The following NME7 variants were observed in gnomAD, a reference collection of about 807,000 sequenced individuals.
NME7 encodes NME/NM23 family member 7, also known as nucleoside diphosphate kinase 7.
A neutral mutation model predicts 49.1 loss-of-function variants in NME7; 41 were observed. The ratio of observed to expected loss-of-function variants is 0.83; its 90% CI spans 0.65 to 1.08. NME7 has a LOEUF of 1.08. Among genes scored for constraint, NME7 ranks in the 50% least tolerant of loss-of-function variants. The probability of loss-of-function intolerance (pLI) is 0.00; values close to 1 mark genes in which losing one functional copy is unlikely to be tolerated. For missense variants in NME7, 423 were observed against 463.4 expected (o/e 0.91, Z 0.80); for synonymous variants, 139 against 150.6 (o/e 0.92, Z 0.56).
intron 1 of NME7, among the ~76,000 whole-genome samples, chr1:169,338,104 G>T (rs1450002040): frequency 1.3e-5 from 2 of 152,196 alleles, no homozygotes; most frequent in African/African-American, 4.8e-5. Flanking sequence ...AGAAGGAAAA[G>T]TTAGGTGAAT....
intron 10 of NME7, among the ~76,000 whole-genome samples, chr1:169,188,782 A>G (rs180856717): frequency 4.5e-4 from 68 of 152,278 alleles, no homozygotes; most frequent in Non-Finnish European, 7.5e-4. Context: ...TTCTCATATA[A>G]TTGTTACACA....
chr1:169,162,238 G>A (rs563443469), intron 11 of NME7, among the ~76,000 whole-genome samples: 1 of 152,100 alleles, frequency 6.6e-6, no homozygotes, highest in South Asian at 2.1e-4. Context: ...AATTAAAATG[G>A]TAACTTCAAT....
Position 169,256,200 on chromosome 1 carries a change from C to T in NME7, c.755-18513G>A, listed in dbSNP as rs1396281394. 7.5e-5 allele frequency among the ~76,000 whole-genome samples: 10 copies of T among 133,324 alleles called. 3 individuals are homozygous for T. The highest frequency in any genetic ancestry group is 1.4e-4 in the Non-Finnish European group (8 of 56,768). The allele number at this position is 133,324 out of a possible 152,430, so 87.5% of individuals were successfully genotyped here. On this transcript the variant is annotated intron_variant, in intron 7 of 11. Coordinates refer to ENST00000367811, the MANE Select transcript of NME7 (RefSeq NM_013330.5). ...ATTCTCCCCATCACTTTCAGGTACA[C>T]CAATCAGACGTAGATTTGGTCTTTT... is the stretch of plus-strand genomic sequence containing the variant.
intron 10 of NME7, among the ~76,000 whole-genome samples, chr1:169,182,229 T>A (rs973246584): frequency 2.7e-4 from 40 of 149,538 alleles, no homozygotes; most frequent in African/African-American, 9.8e-4. Context: ...TTAACCAGGC[T>A]AGTCTTGAAG....
intron 10 of NME7, among the ~76,000 whole-genome samples, chr1:169,203,363 G>A (rs1660597900): frequency 6.6e-6 from 1 of 152,018 alleles, no homozygotes; most frequent in African/African-American, 2.4e-5. Context: ...CTTTCTTCTT[G>A]TGCTTATTAA....
At position 169,237,618 on chromosome 1, in the gene NME7, C is replaced by T; in HGVS notation, c.819+5G>A. The stretch of plus-strand genomic sequence containing the variant: ...AAATATTATGGTTCATTGTAAACTA[C>T]CTACCATCTGCATAGCTGAGATTTC... On this transcript the variant is annotated splice_donor_5th_base_variant and intron_variant, in intron 8 of 11. Coordinates refer to ENST00000367811, the MANE Select transcript of NME7 (RefSeq NM_013330.5). 6.2e-7 allele frequency: 1 copy of T among 1,601,612 alleles called. No individual in the cohort carries two copies. Among genetic ancestry groups the T allele is most frequent in the Non-Finnish European group, 8.5e-7 (1 of 1,170,216 alleles).
intron 7 of NME7, among the ~76,000 whole-genome samples, chr1:169,251,255 T>A (rs1344899864): frequency 6.6e-6 from 1 of 152,162 alleles, no homozygotes; most frequent in Non-Finnish European, 1.5e-5. Context: ...TTACTGTTGT[T>A]GCTTTAAAAT....
rs1374667466 is a variant in NME7 at position 169,261,274 on chromosome 1, A to G, written c.755-23587T>C. Among the ~76,000 whole-genome samples, 2 of 134,224 alleles carry G rather than the reference A, an allele frequency of 1.5e-5. 1 individual carries two copies. Among genetic ancestry groups the G allele is most frequent in the Non-Finnish European group, 3.5e-5 (2 of 57,042 alleles). 88.1% of individuals were successfully genotyped at this position (134,224 alleles called of 152,430 possible). On this transcript the variant is annotated intron_variant, in intron 7 of 11. Coordinates refer to ENST00000367811, the MANE Select transcript of NME7 (RefSeq NM_013330.5). ...GCTTAAAACTGTGCTATGACTTTTG[A>G]GAAAACCCCATGTTACATTTTTGCC...
intron 10 of NME7, among the ~76,000 whole-genome samples, chr1:169,221,547 C>A (rs1406092025): frequency 6.6e-6 from 1 of 151,912 alleles, no homozygotes. Context: ...TTTTCAAGAG[C>A]TTTATATGTA....
chr1:169,184,266 GA>G (rs1660009467), intron 10 of NME7, among the ~76,000 whole-genome samples: 1 of 151,876 alleles, frequency 6.6e-6, no homozygotes, highest in African/African-American at 2.4e-5. Flanking sequence ...TTGTACTATT[GA>G]AATGAAGCAA....
chr1:169,244,539 G>A (rs573563365), intron 7 of NME7, among the ~76,000 whole-genome samples: 11 of 151,150 alleles, frequency 7.3e-5, no homozygotes, highest in Admixed American at 5.9e-4. Flanking sequence ...GGGAGGCTGA[G>A]GAAGGAGGAT....
At chr1:169,252,536 C>G (rs2101848900) in intron 7 of NME7, among the ~76,000 whole-genome samples, 1 of 152,078 alleles carries the variant, frequency 6.6e-6, no homozygotes, top group East Asian at 1.9e-4. Context: ...ATGGTAGTTT[C>G]TTTTGCTGTG....
intron 7 of NME7, among the ~76,000 whole-genome samples, chr1:169,272,842 C>A (rs2101875814): frequency 7.5e-6 from 1 of 132,938 alleles, no homozygotes; most frequent in African/African-American, 2.5e-5. Context: ...AATGGTATTT[C>A]TGCCTCTAGA....
intron 7 of NME7, among the ~76,000 whole-genome samples, chr1:169,249,983 CT>C (rs2101844182): frequency 6.6e-6 from 1 of 152,094 alleles, no homozygotes; most frequent in African/African-American, 2.4e-5. Context: ...ATGATACTGG[CT>C]TCATAGAATG....
rs200103104 is a variant in NME7 at position 169,309,943 on chromosome 1, C to T, written c.389+27G>A. The T allele has an allele frequency of 4.0e-3, 5,172 of 1,277,610 alleles. 15 individuals are homozygous for T. The highest frequency in any genetic ancestry group is 5.0e-3 in the Non-Finnish European group (4,446 of 896,422). The allele number at this position is 1,277,610 out of a possible 1,614,324, so 79.1% of individuals were successfully genotyped here. A position where few individuals can be genotyped will look rare whatever the true frequency, so the allele number is the denominator to read the frequency against. The stretch of plus-strand genomic sequence containing the variant: ...TTTTTTAAAAAGGAATCAGACATTA[C>T]ATAACTGAAAATGATAAAAAAATTA... On this transcript the variant is annotated intron_variant, in intron 4 of 11. Coordinates refer to ENST00000367811, the MANE Select transcript of NME7 (RefSeq NM_013330.5).
Position 169,204,078 on chromosome 1 carries a change from ACTC to A in NME7, c.990+26637_990+26639del, listed in dbSNP as rs527669856. Among the ~76,000 whole-genome samples, 165 of 150,588 alleles carry A rather than the reference ACTC, an allele frequency of 1.1e-3. 3 individuals carry two copies. Among genetic ancestry groups the A allele is most frequent in the Non-Finnish European group, 2.5e-4 (17 of 67,658 alleles). ...ACAATGTTGCCCAGTTTTGTCTTGA[ACTC>A]CTGGCTTCAAGCAGTCCTCCCACCT... On this transcript the variant is annotated intron_variant, in intron 10 of 11. Coordinates refer to ENST00000367811, the MANE Select transcript of NME7 (RefSeq NM_013330.5).
intron 10 of NME7, among the ~76,000 whole-genome samples, chr1:169,204,843 A>G (rs1453011810): frequency 6.6e-6 from 1 of 152,086 alleles, no homozygotes; most frequent in East Asian, 1.9e-4. Flanking sequence ...AACTCTTATC[A>G]AAGCTCTCAA....
At position 169,258,385 on chromosome 1, in the gene NME7, TATATATATATATATATATATAC is replaced by T. The variant is rs1187517154; in HGVS notation, c.755-20720_755-20699del. The stretch of plus-strand genomic sequence containing the variant: ...TAAAATAAAATAAAACATATATATA[TATATATATATATATATATATAC>T]ACACACACACACACACATACACACA... On this transcript the variant is annotated intron_variant, in intron 7 of 11. Coordinates refer to ENST00000367811, the MANE Select transcript of NME7 (RefSeq NM_013330.5). 1.1e-4 allele frequency among the ~76,000 whole-genome samples: 6 copies of T among 54,448 alleles called. 1 individual carries two copies. The highest frequency in any genetic ancestry group is 1.9e-4 in the African/African-American group (3 of 15,812). 35.7% of individuals were successfully genotyped at this position (54,448 alleles called of 152,430 possible).
intron 7 of NME7, among the ~76,000 whole-genome samples, chr1:169,238,094 G>A (rs79654205): frequency 0.014 from 2,203 of 152,082 alleles, 49 homozygotes; most frequent in African/African-American, 0.048. Flanking sequence ...AAATCAAATT[G>A]TAACTGAAGA....
Sources: gnomAD v4.1 joint callset for allele counts (sites outside exome capture counted in the v4.1 genomes callset) on GRCh38, gnomAD v4.1.1 for gene constraint, MANE v1.5 for transcripts, NCBI Gene and HGNC (gene_info 2026-07-23, HGNC 2026-07-21) for gene names.